The following LECT2 variants were observed in gnomAD, a reference collection of about 807,000 sequenced individuals.
The protein encoded by LECT2 is leukocyte cell-derived chemotaxin-2.
Under a neutral mutation model 16.6 loss-of-function variants are expected in LECT2, and 11 were observed. That is an observed-to-expected ratio of 0.66 (90% CI 0.42 to 1.09). LECT2 has a LOEUF of 1.09. Among genes scored for constraint, LECT2 ranks in the 50% least tolerant of loss-of-function variants. The probability of loss-of-function intolerance (pLI) is 0.00; values close to 1 mark genes in which losing one functional copy is unlikely to be tolerated. For missense variants in LECT2, 173 were observed against 184.2 expected, an observed-to-expected ratio of 0.94 and a Z score of 0.35; for synonymous variants, 54 against 64.8, an observed-to-expected ratio of 0.83 and a Z score of 0.80.
intron 3 of LECT2, among the ~76,000 whole-genome samples, chr5:135,948,964 C>T (rs1474108103): frequency 6.6e-6 from 1 of 152,136 alleles, no homozygotes; most frequent in Non-Finnish European, 1.5e-5. Context: ...CACGAGCCAC[C>T]GTGCCCAGCC....
chr5:135,953,056 A>G, intron 1 of LECT2, 89 bp from the exon 2 acceptor site: 1 of 817,844 alleles, frequency 1.2e-6, no homozygotes, highest in Non-Finnish European at 2.1e-6. Flanking sequence ...TGATCCTGAC[A>G]ATTCTGTTTT....
At chr5:135,949,721 CTG>C (rs1173561319) in intron 3 of LECT2, among the ~76,000 whole-genome samples, 2 of 152,218 alleles carry the variant, frequency 1.3e-5, no homozygotes, top group Admixed American at 6.5e-5. Context: ...GGCTCTGGGA[CTG>C]TGAACCAATT....
Position 135,947,156 on chromosome 5 carries a change from A to C in LECT2, c.*175T>G. ...ACATAGGTGTATTTGTTTATGAGGT[A>C]CGTGAGATGTTTTGATACAGGCATG... On this transcript the variant is annotated 3_prime_UTR_variant, in exon 4 of 4. Transcript: ENST00000274507. 1 of 547,146 alleles carries C rather than the reference A, an allele frequency of 1.8e-6. No homozygotes were observed. Among genetic ancestry groups the C allele is most frequent in the Non-Finnish European group, 3.1e-6 (1 of 317,468 alleles). 33.9% of individuals were successfully genotyped at this position (547,146 alleles called of 1,614,324 possible).
chr5:135,949,705 T>G (rs1763764071), intron 3 of LECT2, among the ~76,000 whole-genome samples: 1 of 152,226 alleles, frequency 6.6e-6, no homozygotes, highest in Non-Finnish European at 1.5e-5. Context: ...TCCCTTTTGT[T>G]CAAGAGGCTC....
At chr5:135,947,778 A>T (rs1763725176) in intron 3 of LECT2, among the ~76,000 whole-genome samples, 1 of 152,202 alleles carries the variant, frequency 6.6e-6, no homozygotes, top group South Asian at 2.1e-4. Context: ...CAACTCCAAA[A>T]CATATTCTGA....
chr5:135,951,405 G>A, intron 2 of LECT2, 37 bp from the exon 3 acceptor site: 1 of 1,584,976 alleles, frequency 6.3e-7, no homozygotes, highest in South Asian at 1.1e-5. Flanking sequence ...CTGAGGAACT[G>A]CCTTAGGGGA....
intron 3 of LECT2, 59 bp from the exon 4 acceptor site, chr5:135,947,556 A>T (rs1177921147): frequency 4.2e-6 from 6 of 1,429,780 alleles, no homozygotes; most frequent in African/African-American, 2.9e-5. Context: ...ATCTGAAATT[A>T]AAAAAATAAC....
At chr5:135,947,582 A>T (rs957147740) in intron 3 of LECT2, 85 bp from the exon 4 acceptor site, 15 of 1,324,554 alleles carry the variant, frequency 1.1e-5, no homozygotes, top group African/African-American at 3.0e-5. Context: ...GACAAAAAAT[A>T]AAAAAAAGAA....
Position 135,947,381 on chromosome 5 carries a change from G to T in LECT2, c.406C>A (p.His136Asn). The change falls in exon 4 of 4, where the codon CAT (histidine) becomes AAT (asparagine). Residue 136 changes from histidine to asparagine, a missense_variant. Coordinates refer to ENST00000274507, the MANE Select transcript of LECT2 (RefSeq NM_002302.3). ...LQKVYPGIQS[H>N]VHIENCDSSD... ...GAGTCACAGTTTTCAATGTGCACAT[G>T]CGATTGTATGCCAGGATAAACTTTC... is the stretch of plus-strand genomic sequence containing the variant. The T allele has an allele frequency of 6.2e-7, 1 of 1,614,044 alleles. No individual in the cohort carries two copies. Among genetic ancestry groups the T allele is most frequent in the East Asian group, 2.2e-5 (1 of 44,868 alleles).
At position 135,947,404 on chromosome 5, in the gene LECT2, T is replaced by A; in HGVS notation, c.383A>T (p.Lys128Ile). ...ATGCGATTGTATGCCAGGATAAACTTTCTGCAAGGGCAATAGAGTTCCAAG... is the reference window on the plus strand; with the variant it reads ...ATGCGATTGTATGCCAGGATAAACTATCTGCAAGGGCAATAGAGTTCCAAG... ...EKLGTLLPLQ[K>I]VYPGIQSHVH... Residue 128 changes from lysine to isoleucine, a missense_variant, in exon 4 of 4, where the codon AAA (lysine) becomes ATA (isoleucine). Lys to Ile is a moderately radical substitution (Grantham distance 102). Transcript: ENST00000274507. The A allele has an allele frequency of 6.2e-7, 1 of 1,614,122 alleles. No individual in the cohort carries two copies. The highest frequency in any genetic ancestry group is 1.3e-5 in the African/African-American group (1 of 75,064).
intron 1 of LECT2, among the ~76,000 whole-genome samples, chr5:135,953,917 G>T (rs559759158): frequency 6.6e-6 from 1 of 151,592 alleles, no homozygotes; most frequent in South Asian, 2.1e-4. Context: ...ATTATGAAAC[G>T]TGGAGGAGGG....
At chr5:135,951,147 G>A (rs751789699) in intron 3 of LECT2, 76 bp downstream of exon 3, 13 of 1,364,070 alleles carry the variant, frequency 9.5e-6, no homozygotes, top group Middle Eastern at 1.8e-4. Context: ...AAATCTCTAC[G>A]TATGGAACCT....
At chr5:135,949,581 A>G (rs976463394) in intron 3 of LECT2, among the ~76,000 whole-genome samples, 9 of 152,164 alleles carry the variant, frequency 5.9e-5, no homozygotes, top group African/African-American at 1.9e-4. Flanking sequence ...TTCTTCCCTA[A>G]TGTGCTGTCA....
At chr5:135,954,440 T>A (rs1763833548) in intron 1 of LECT2, among the ~76,000 whole-genome samples, 1 of 152,360 alleles carries the variant, frequency 6.6e-6, no homozygotes, top group South Asian at 2.1e-4. Context: ...TGTATTAGTA[T>A]CTGTATCAGA....
chr5:135,954,877 C>T lies in LECT2; in HGVS notation c.-44G>A, dbSNP rs778719263. On this transcript the variant is annotated 5_prime_UTR_variant, in exon 1 of 4. Coordinates refer to ENST00000274507, the MANE Select transcript of LECT2 (RefSeq NM_002302.3). ...GTTTCTTCCTCTGATTAGAGTTGCC[C>T]CCACACTCTCTTTGAAGAATATTCA... 2.0e-5 allele frequency: 27 copies of T among 1,377,662 alleles called. No homozygotes were observed. Among genetic ancestry groups the T allele is most frequent in the Non-Finnish European group, 2.7e-5 (26 of 966,264 alleles). 85.3% of individuals were successfully genotyped at this position (1,377,662 alleles called of 1,614,324 possible).
At position 135,951,366 on chromosome 5, in the gene LECT2, C is replaced by T. The variant is rs758266252; in HGVS notation, c.146G>A (p.Ser49Asn). Residue 49 changes from serine (S) to asparagine (N), a missense_variant and splice_region_variant, in exon 3 of 4, where the codon AGT (serine) becomes AAT (asparagine). Coordinates refer to ENST00000274507, the MANE Select transcript of LECT2 (RefSeq NM_002302.3). ...HGCGQYSAQRSQRPHQGVDIL... is the reference protein window; with the variant it reads ...HGCGQYSAQRNQRPHQGVDIL... ...GTCCACACCCTGGTGAGGCCTCTGA[C>T]TTCTAGGATGTAAATAAGAACGAAC... 1.1e-5 allele frequency: 17 copies of T among 1,612,846 alleles called. No individual in the cohort carries two copies. In the Admixed American group the frequency reaches 2.8e-4, roughly 27 times the overall value.
intron 3 of LECT2, among the ~76,000 whole-genome samples, chr5:135,948,567 A>G (rs746742652): frequency 6.6e-6 from 1 of 152,040 alleles, no homozygotes; most frequent in African/African-American, 2.4e-5. Flanking sequence ...TTTGTATTAC[A>G]TATTGATATA....
chr5:135,954,787 C>T lies in LECT2; in HGVS notation c.46+1G>A. The T allele has an allele frequency of 1.9e-6, 3 of 1,610,826 alleles. No individual in the cohort carries two copies. Among genetic ancestry groups the T allele is most frequent in the Non-Finnish European group, 2.5e-6 (3 of 1,177,142 alleles). On this transcript the variant is annotated splice_donor_variant, in intron 1 of 3. Transcript: ENST00000274507. LOFTEE classifies it high-confidence loss of function. ...ATTCTAAAATTGCACTTTCGACTTA[C>T]CGGTAGAAATCAGACCAGCCAAAAG...
chr5:135,949,497 G>T (rs2126875836), intron 3 of LECT2, among the ~76,000 whole-genome samples: 1 of 152,290 alleles, frequency 6.6e-6, no homozygotes, highest in African/African-American at 2.4e-5. Flanking sequence ...GTGAACCACA[G>T]TGGCCTTTTA....
Sources: gnomAD v4.1 joint callset for allele counts (sites outside exome capture counted in the v4.1 genomes callset) on GRCh38, gnomAD v4.1.1 for gene constraint, MANE v1.5 for transcripts, NCBI Gene and HGNC (gene_info 2026-07-23, HGNC 2026-07-21) for gene names.